Variants in PDE6B observed in about 807,000 individuals in gnomAD.
PDE6B encodes the protein phosphodiesterase 6B, also known as rod cGMP-specific 3',5'-cyclic phosphodiesterase subunit beta.
Under a neutral mutation model 109.0 loss-of-function variants are expected in PDE6B, and 106 were observed. That is an observed-to-expected ratio of 0.97 (90% CI 0.83 to 1.14). The LOEUF (loss-of-function observed/expected upper bound fraction) is 1.14, where lower values mean the gene tolerates loss of function less well. PDE6B is among the 50% of genes most tolerant of loss of function. The pLI, the probability that PDE6B is intolerant of heterozygous loss-of-function variation, is 0.00. For missense variants in PDE6B, 1,193 were observed against 1,155.6 expected (o/e 1.03, Z -0.47); for synonymous variants, 490 against 471.3 (o/e 1.04, Z -0.51).
chr4:629,255 C>T (rs1013273232), intron 1 of PDE6B, among the ~76,000 whole-genome samples: 14 of 152,152 alleles, frequency 9.2e-5, no homozygotes, highest in African/African-American at 3.4e-4. Context: ...CGGGCAGGGA[C>T]GCCGCCCACA....
In PDE6B at chr4:660,458, C is replaced by T; in HGVS notation, c.1468-9C>T. 6.2e-7 allele frequency: 1 copy of T among 1,613,716 alleles called. No individual in the cohort carries two copies. Among genetic ancestry groups the T allele is most frequent in the Non-Finnish European group, 8.5e-7 (1 of 1,179,912 alleles). On this transcript the variant is annotated splice_polypyrimidine_tract_variant and intron_variant, in intron 11 of 21. Transcript: ENST00000496514. The stretch of plus-strand genomic sequence containing the variant: ...GCCAACCTCCCTCAGCCCACAATCC[C>T]TCCCACAGAAGGAGGAGCTGCCAGG...
intron 12 of PDE6B, 146 bp from the exon 13 acceptor site, chr4:661,988 G>C: frequency 1.5e-6 from 1 of 678,218 alleles, no homozygotes; most frequent in Admixed American, 2.0e-5. Context: ...GGGAAACGCA[G>C]GGATGGGGAA....
At chr4:638,069 T>G (rs1734779407) in intron 3 of PDE6B, among the ~76,000 whole-genome samples, 1 of 152,232 alleles carries the variant, frequency 6.6e-6, no homozygotes, top group Admixed American at 6.5e-5. Flanking sequence ...TGTTCCTTCC[T>G]GCCAGTGACG....
At chr4:654,398 C>T (rs752867222) in intron 5 of PDE6B, 1 of 647,594 alleles carries the variant, frequency 1.5e-6, no homozygotes, top group Non-Finnish European at 2.8e-6. Context: ...CACGTCGGCT[C>T]TGATTGTGGG....
At chr4:656,106 G>A in intron 7 of PDE6B, 100 bp downstream of exon 7, 1 of 1,028,252 alleles carries the variant, frequency 9.7e-7, no homozygotes, top group Non-Finnish European at 1.5e-6. Context: ...CTCCCGGCCA[G>A]CTCCACGTGC....
intron 21 of PDE6B, 70 bp downstream of exon 21, chr4:668,076 A>AC: frequency 2.8e-6 from 4 of 1,447,012 alleles, no homozygotes; most frequent in Non-Finnish European, 3.8e-6. Context: ...AAGACAGGGC[A>AC]CAGAGCAGAG....
chr4:663,210 T>C lies in PDE6B; in HGVS notation c.1920+23T>C, dbSNP rs757858217. 3.7e-5 allele frequency: 50 copies of C among 1,363,030 alleles called. No homozygotes were observed. The highest frequency in any genetic ancestry group is 5.0e-5 in the Non-Finnish European group (48 of 950,968). 84.4% of individuals were successfully genotyped at this position (1,363,030 alleles called of 1,614,324 possible). On this transcript the variant is annotated intron_variant, in intron 15 of 21. Coordinates refer to ENST00000496514, the MANE Select transcript of PDE6B (RefSeq NM_000283.4). The surrounding 1 kb of genome is among the most constrained non-coding windows in gnomAD (Gnocchi z 4.0). The stretch of plus-strand genomic sequence containing the variant: ...GAGGTTGGTATACTCACCCTCGGTT[T>C]CTGCTGTGGGCGCTGGGGACGCAGC...
intron 3 of PDE6B, among the ~76,000 whole-genome samples, chr4:645,445 G>A (rs1221374179): frequency 2.0e-5 from 3 of 151,536 alleles, no homozygotes; most frequent in Non-Finnish European, 4.4e-5. Context: ...ACAGGCGCCC[G>A]CCACCACGCC....
At position 662,491 on chromosome 4, in the gene PDE6B, G is replaced by T. The variant is rs1737224697; in HGVS notation, c.1723-18G>T. ...GCTGGAGCCAGGACCGGTGAGCAAG[G>T]TGGCCCTGTCTCTACAGACCGGCAA... On this transcript the variant is annotated intron_variant, in intron 13 of 21. Coordinates refer to ENST00000496514, the MANE Select transcript of PDE6B (RefSeq NM_000283.4). This position sits in a 1 kb window ranked among gnomAD's most constrained non-coding sequence, Gnocchi z 4.3. The T allele has an allele frequency of 4.5e-6, 7 of 1,541,516 alleles. No individual in the cohort carries two copies. The East Asian group carries it at 1.6e-4, about 35-fold the overall frequency.
intron 3 of PDE6B, chr4:652,012 C>CGGTGACTGCGGCCAGGGCGGCTCCACGAA: frequency 5.6e-6 from 1 of 178,300 alleles, no homozygotes; most frequent in Non-Finnish European, 1.2e-5. Flanking sequence ...GGCTCCACGA[C>CGGTGACTGCGGCCAGGGCGGCTCCACGAA]GGTGACTGGG....
intron 11 of PDE6B, 133 bp downstream of exon 11, chr4:659,150 T>G (rs1736725990): frequency 1.2e-5 from 9 of 724,450 alleles, no homozygotes; most frequent in Non-Finnish European, 2.2e-5. Context: ...TGTGTGTGTA[T>G]ACTTGTGTAT....
At position 670,275 on chromosome 4, in the gene PDE6B, C is replaced by G; in HGVS notation, c.*168C>G. 2 of 951,510 alleles carry G rather than the reference C, an allele frequency of 2.1e-6. No homozygotes were observed. The highest frequency in any genetic ancestry group is 2.9e-6 in the Non-Finnish European group (2 of 684,872). 58.9% of individuals were successfully genotyped at this position (951,510 alleles called of 1,614,324 possible). On this transcript the variant is annotated 3_prime_UTR_variant, in exon 22 of 22. Transcript: ENST00000496514. ...TTTTTTTTTTTGAGATGGAGTCTTG[C>G]TCTGTCACCCAGGCTGGAGTGCCGT... is the stretch of plus-strand genomic sequence containing the variant.
rs986929949 is a variant in PDE6B, at chr4:663,264, C to G, written c.1920+77C>G. 1.2e-6 allele frequency: 1 copy of G among 864,138 alleles called. No homozygotes were observed. Among genetic ancestry groups the G allele is most frequent in the East Asian group, 2.4e-5 (1 of 41,372 alleles). 53.5% of individuals were successfully genotyped at this position (864,138 alleles called of 1,614,324 possible). ...CGCAGGACGGCAGGGCCGTATCCTG[C>G]GGAGCAGGGTTCTGATGCAGCGGGT... On this transcript the variant is annotated intron_variant, in intron 15 of 21. Transcript: ENST00000496514. The surrounding 1 kb of genome is among the most constrained non-coding windows in gnomAD (Gnocchi z 4.0).
chr4:648,200 C>T lies in PDE6B; in HGVS notation c.712-5652C>T, dbSNP rs1560111949. Among the ~76,000 whole-genome samples, 1 of 152,042 alleles carries T rather than the reference C, an allele frequency of 6.6e-6. No homozygotes were observed. The highest frequency in any genetic ancestry group is 1.5e-5 in the Non-Finnish European group (1 of 68,030). On this transcript the variant is annotated intron_variant, in intron 3 of 21. Transcript: ENST00000496514. The surrounding 1 kb of genome is among the most constrained non-coding windows in gnomAD (Gnocchi z 4.5). Reference sequence around the variant, plus strand: ...ACCTAGGAAACTCCTTGTTTCCAGCCTCTCAGTCTGCAGGCATGTGGAGAC... The same window carrying T: ...ACCTAGGAAACTCCTTGTTTCCAGCTTCTCAGTCTGCAGGCATGTGGAGAC...
intron 3 of PDE6B, among the ~76,000 whole-genome samples, chr4:649,085 G>A (rs956816020): frequency 2.6e-5 from 4 of 152,196 alleles, no homozygotes; most frequent in Admixed American, 2.6e-4. Flanking sequence ...ATGGAGCTGT[G>A]GGGAGATCCA....
At chr4:660,809 C>G (rs906220885) in intron 12 of PDE6B, among the ~76,000 whole-genome samples, 196 bp downstream of exon 12, 2 of 151,942 alleles carry the variant, frequency 1.3e-5, no homozygotes, top group Non-Finnish European at 2.9e-5. Context: ...AAGCATAAAA[C>G]AAATAATTGG....
At chr4:649,555 G>A (rs913037982) in intron 3 of PDE6B, among the ~76,000 whole-genome samples, 41 of 152,284 alleles carry the variant, frequency 2.7e-4, no homozygotes, top group Non-Finnish European at 5.9e-5. Context: ...GGCACTCGCT[G>A]GGGTCCCTTA....
At chr4:657,123 T>C (rs1023529841) in intron 9 of PDE6B, 100 bp downstream of exon 9, 9 of 1,287,248 alleles carry the variant, frequency 7.0e-6, no homozygotes, top group Non-Finnish European at 1.0e-5. Flanking sequence ...GCTGTGTGCG[T>C]GTGCTCATGT....
chr4:653,451 C>A, intron 3 of PDE6B: 1 of 697,056 alleles, frequency 1.4e-6, no homozygotes, highest in Non-Finnish European at 2.0e-6. Flanking sequence ...TTGGCGGAGG[C>A]CACAGGCGGC....
Sources: gnomAD v4.1 joint callset for allele counts (sites outside exome capture counted in the v4.1 genomes callset) on GRCh38, gnomAD v4.1.1 for gene constraint, Gnocchi (gnomAD v3.1) non-coding constraint, MANE v1.5 for transcripts, NCBI Gene and HGNC (gene_info 2026-07-23, HGNC 2026-07-21) for gene names.